The following RACGAP1 variants were observed in gnomAD, a reference collection of about 807,000 sequenced individuals.
RACGAP1 encodes the protein rac GTPase-activating protein 1.
A neutral mutation model predicts 78.1 loss-of-function variants in RACGAP1; 30 were observed. The observed-to-expected ratio is 0.38, with a 90% CI of 0.29 to 0.52. The LOEUF (loss-of-function observed/expected upper bound fraction) is 0.52. Among genes scored for constraint, RACGAP1 ranks in the 20% least tolerant of loss-of-function variants. RACGAP1 has a pLI of 0.82. For missense variants in RACGAP1, 587 were observed against 777.1 expected, an observed-to-expected ratio of 0.76 and a Z score of 2.91; for synonymous variants, 231 against 264.8, an observed-to-expected ratio of 0.87 and a Z score of 1.24.
chr12:50,024,109 C>G (rs898592959), intron 1 of RACGAP1, among the ~76,000 whole-genome samples: 3 of 151,728 alleles, frequency 2.0e-5, no homozygotes, highest in Non-Finnish European at 4.4e-5. Context: ...TGCAGTGAGC[C>G]GAGATCGCGC....
intron 4 of RACGAP1, among the ~76,000 whole-genome samples, 169 bp from the exon 5 acceptor site, chr12:50,004,473 GGT>G (rs1948856410): frequency 6.6e-6 from 1 of 152,210 alleles, no homozygotes; most frequent in Admixed American, 6.5e-5. Context: ...TACTTTGTAT[GGT>G]TTCCACGGAG....
At chr12:50,015,058 A>G (rs1046341560) in intron 2 of RACGAP1, among the ~76,000 whole-genome samples, 10 of 150,442 alleles carry the variant, frequency 6.6e-5, no homozygotes, top group African/African-American at 2.4e-4. Flanking sequence ...AAAAAAAAAA[A>G]AGAGAGAGAT....
exon 2 of RACGAP1, chr12:50,031,720 C>T (rs1156676390): frequency 2.0e-5 from 20 of 985,240 alleles, no homozygotes; most frequent in Admixed American, 6.2e-5. Flanking sequence ...TAAACTTAAA[C>T]GCTGATGCCT....
chr12:50,010,750 T>C (rs1041295399), intron 2 of RACGAP1, among the ~76,000 whole-genome samples: 27 of 151,288 alleles, frequency 1.8e-4, no homozygotes, highest in Non-Finnish European at 1.8e-4. Context: ...CTGACCAATA[T>C]GGAGAAACCC....
chr12:50,004,834 T>C (rs1948879449), intron 4 of RACGAP1, among the ~76,000 whole-genome samples: 1 of 152,226 alleles, frequency 6.6e-6, no homozygotes, highest in South Asian at 2.1e-4. Context: ...GAGACTATTT[T>C]AAACAGTGGT....
intron 15 of RACGAP1, among the ~76,000 whole-genome samples, chr12:49,991,420 A>G (rs1947828533): frequency 7.1e-6 from 1 of 140,538 alleles, no homozygotes; most frequent in Admixed American, 7.3e-5. Context: ...TTCTCACAAC[A>G]TGCTAAGTGA....
intron 2 of RACGAP1, 42 bp from the exon 3 acceptor site, chr12:50,006,678 G>A: frequency 5.1e-6 from 8 of 1,565,972 alleles, no homozygotes; most frequent in Non-Finnish European, 6.1e-6. Flanking sequence ...GCACCAAACA[G>A]AGTATAACTG....
chr12:49,991,479 ATTTT>A (rs1197357619), intron 15 of RACGAP1, among the ~76,000 whole-genome samples: 5 of 24,088 alleles, frequency 2.1e-4, no homozygotes, highest in Admixed American at 1.1e-3. Context: ...ATATATATAT[ATTTT>A]TTTTTTTTTT....
chr12:50,009,350 G>C (rs1949169383), intron 2 of RACGAP1, among the ~76,000 whole-genome samples: 1 of 151,468 alleles, frequency 6.6e-6, no homozygotes, highest in Admixed American at 6.6e-5. Flanking sequence ...AAGGAGGAAA[G>C]AGAAGGGAAA....
intron 3 of RACGAP1, among the ~76,000 whole-genome samples, 173 bp downstream of exon 3, chr12:50,006,261 G>C (rs1455846812): frequency 6.6e-6 from 1 of 152,196 alleles, no homozygotes; most frequent in Non-Finnish European, 1.5e-5. Context: ...TGAAGAACAA[G>C]ATTCCTAGTC....
At chr12:49,990,892 C>A (rs1406476898) in intron 15 of RACGAP1, 100 bp from the exon 16 acceptor site, 10 of 831,850 alleles carry the variant, frequency 1.2e-5, no homozygotes. Flanking sequence ...CACTTAAGAG[C>A]TAAGGTTAGA....
At chr12:50,026,253 A>G (rs1287195101), upstream of RACGAP1, among the ~76,000 whole-genome samples, 1 of 152,106 alleles carries the variant, frequency 6.6e-6, no homozygotes, top group Non-Finnish European at 1.5e-5. Context: ...TCAACAACGC[A>G]TGGCTACCCG....
intron 5 of RACGAP1, 143 bp from the exon 6 acceptor site, chr12:50,002,443 G>GT: frequency 5.2e-6 from 3 of 582,104 alleles, no homozygotes; most frequent in Non-Finnish European, 9.0e-6. Flanking sequence ...AGAAGGGAAG[G>GT]TCTCAAGTGT....
Position 50,011,815 on chromosome 12 carries a change from G to A in RACGAP1, c.85+4816C>T, listed in dbSNP as rs1030899092. 4.0e-5 allele frequency among the ~76,000 whole-genome samples: 6 copies of A among 151,662 alleles called. No individual in the cohort carries two copies. The East Asian group carries it at 5.9e-4, about 15-fold the overall frequency. On this transcript the variant is annotated intron_variant, in intron 2 of 16. Coordinates refer to ENST00000312377, the MANE Select transcript of RACGAP1 (RefSeq NM_001319999.2). ...CTAAAAATACAAAAATTAGCTGAGC[G>A]TGGTGGCGGGCGCCTATAGTCCCAG...
Position 50,001,218 on chromosome 12 carries a change from G to C in RACGAP1, c.584C>G (p.Pro195Arg). ...GGAACGAGTTTTCTTTACAGGTCCAGGGGGACCATCAACAAACTGTCGGCT... is the reference window on the plus strand; with the variant it reads ...GGAACGAGTTTTCTTTACAGGTCCACGGGGACCATCAACAAACTGTCGGCT... ...STSRQFVDGP[P>R]GPVKKTRSIG... The change falls in exon 7 of 17, where the codon CCT (proline) becomes CGT (arginine). Residue 195 changes from proline to arginine, a missense_variant. Coordinates refer to ENST00000312377, the MANE Select transcript of RACGAP1 (RefSeq NM_001319999.2). The C allele has an allele frequency of 1.2e-6, 2 of 1,612,120 alleles. No individual in the cohort carries two copies. Among genetic ancestry groups the C allele is most frequent in the Non-Finnish European group, 8.5e-7 (1 of 1,178,248 alleles).
At chr12:50,016,353 G>C (rs1397876332) in intron 2 of RACGAP1, among the ~76,000 whole-genome samples, 1 of 151,958 alleles carries the variant, frequency 6.6e-6, no homozygotes, top group Non-Finnish European at 1.5e-5. Flanking sequence ...CTGCACTCCA[G>C]CCTGGGTGAC....
At chr12:50,032,536 A>AGTGTGTGTGTGT (rs60239235) in intron 1 of RACGAP1, among the ~76,000 whole-genome samples, 8,838 of 147,028 alleles carry the variant, frequency 0.06, 336 homozygotes, top group African/African-American at 0.12. Flanking sequence ...GGAAAAGGTG[A>AGTGTGTGTGTGT]GTGTGTGTGT....
chr12:50,009,702 G>A (rs1346404056), intron 2 of RACGAP1, among the ~76,000 whole-genome samples: 1 of 152,162 alleles, frequency 6.6e-6, no homozygotes, highest in African/African-American at 2.4e-5. Context: ...CACCTTACCA[G>A]TTTAATCAAA....
At chr12:49,999,389 CT>C in intron 8 of RACGAP1, 118 bp from the exon 9 acceptor site, 7 of 1,303,762 alleles carry the variant, frequency 5.4e-6, no homozygotes, top group Non-Finnish European at 7.3e-6. Context: ...AAAGTGAGAA[CT>C]AATGGCTATG....
Sources: allele counts gnomAD v4.1 joint callset (sites outside exome capture counted in the v4.1 genomes callset), GRCh38; gene constraint gnomAD v4.1.1; transcripts MANE v1.5; gene names NCBI Gene and HGNC (gene_info 2026-07-23, HGNC 2026-07-21).